The following XIRP2 variants were observed in gnomAD, a reference collection of about 807,000 sequenced individuals.
XIRP2 encodes the protein xin actin-binding repeat-containing protein 2.
XIRP2 carries 236 observed loss-of-function variants against 277.0 expected under a neutral mutation model. The ratio of observed to expected loss-of-function variants is 0.85; its 90% CI spans 0.77 to 0.95. The LOEUF is 0.95. Among genes scored for constraint, XIRP2 ranks in the 40% least tolerant of loss-of-function variants. The pLI, the probability that XIRP2 is intolerant of heterozygous loss-of-function variation, is 0.00. For missense variants in XIRP2, 4,640 were observed against 4,157.5 expected (o/e 1.12, Z -3.19); for synonymous variants, 1,490 against 1,416.5 (o/e 1.05, Z -1.17).
intron 2 of XIRP2, among the ~76,000 whole-genome samples, chr2:166,945,923 A>G (rs191690257): frequency 2.6e-5 from 4 of 152,106 alleles, no homozygotes; most frequent in Admixed American, 2.6e-4. Context: ...CTGCTAAGAT[A>G]ACAGTGGGAG....
At chr2:167,036,032 A>T (rs1191450255) in intron 2 of XIRP2, among the ~76,000 whole-genome samples, 1 of 152,162 alleles carries the variant, frequency 6.6e-6, no homozygotes, top group African/African-American at 2.4e-5. Context: ...AGTTTTGGCA[A>T]CCTCTGCCTA....
At chr2:167,038,406 T>A (rs1688573072) in intron 2 of XIRP2, among the ~76,000 whole-genome samples, 1 of 151,504 alleles carries the variant, frequency 6.6e-6, no homozygotes, top group African/African-American at 2.4e-5. Context: ...CTGTATTTCA[T>A]CCTCTTTAAT....
At chr2:167,166,257 T>G (rs1370980436) in intron 3 of XIRP2, among the ~76,000 whole-genome samples, 2 of 152,224 alleles carry the variant, frequency 1.3e-5, no homozygotes, top group African/African-American at 4.8e-5. Context: ...TCCATATTTT[T>G]GGGAATTTTC....
chr2:167,166,132 C>A (rs549525221), intron 3 of XIRP2, among the ~76,000 whole-genome samples: 1 of 152,224 alleles, frequency 6.6e-6, no homozygotes, highest in African/African-American at 2.4e-5. Context: ...AATCAGTTGG[C>A]TACAAATTTT....
chr2:166,936,305 G>C (rs538751019), intron 2 of XIRP2, among the ~76,000 whole-genome samples: 2,779 of 152,206 alleles, frequency 0.018, 75 homozygotes, highest in African/African-American at 0.062. Context: ...GTAGATTCTG[G>C]ATATTAGCCC....
rs575893456 is a variant in XIRP2 at position 167,012,375 on chromosome 2, G to A, written c.408+108485G>A. ...AGATTCTACTTTCTACTATGCTCTA[G>A]TAGTATCAGAATGAATCAGACTAGA... On this transcript the variant is annotated intron_variant, in intron 2 of 10. Coordinates refer to ENST00000409195, the MANE Select transcript of XIRP2 (RefSeq NM_152381.6). Among the ~76,000 whole-genome samples the A allele has an allele frequency of 9.2e-5, 14 of 151,820 alleles. No individual in the cohort carries two copies. In the East Asian group the frequency reaches 2.1e-3, roughly 23 times the overall value.
At chr2:167,224,093 G>C (rs1694517346) in intron 5 of XIRP2, among the ~76,000 whole-genome samples, 2 of 152,142 alleles carry the variant, frequency 1.3e-5, no homozygotes, top group Non-Finnish European at 2.9e-5. Flanking sequence ...CAGAAAGTGA[G>C]AGGGTCTGAA....
At chr2:167,122,147 A>C (rs1450290967) in intron 2 of XIRP2, among the ~76,000 whole-genome samples, 1 of 152,184 alleles carries the variant, frequency 6.6e-6, no homozygotes, top group African/African-American at 2.4e-5. Flanking sequence ...CAATCCCTGA[A>C]TCAGCTCTTC....
chr2:167,005,887 T>G (rs1205161620), intron 2 of XIRP2, among the ~76,000 whole-genome samples: 1 of 151,782 alleles, frequency 6.6e-6, no homozygotes. Flanking sequence ...CTGACCAACC[T>G]TCTGGATCAG....
chr2:167,198,026 A>G lies in XIRP2; in HGVS notation c.563-12709A>G, dbSNP rs189988949. The stretch of plus-strand genomic sequence containing the variant: ...CCATGTATGGTACATTTATAGCATT[A>G]GGTTTTGAATCTGAGAGAAAAGAAA... On this transcript the variant is annotated intron_variant, in intron 3 of 10. Transcript: ENST00000409195. Among the ~76,000 whole-genome samples the G allele has an allele frequency of 7.0e-3, 1,067 of 152,352 alleles. 16 individuals are homozygous for G. The highest frequency in any genetic ancestry group is 0.024 in the African/African-American group (1,005 of 41,594).
chr2:166,958,283 G>T (rs772676572), intron 2 of XIRP2, among the ~76,000 whole-genome samples: 1 of 151,882 alleles, frequency 6.6e-6, no homozygotes, highest in Admixed American at 6.6e-5. Flanking sequence ...TATTTATGCA[G>T]CAGTGTTTCA....
intron 2 of XIRP2, among the ~76,000 whole-genome samples, chr2:166,979,515 T>C (rs1002592302): frequency 6.9e-6 from 1 of 145,738 alleles, no homozygotes; most frequent in African/African-American, 2.5e-5. Flanking sequence ...AAGAGTAGGG[T>C]TTTTTTTTTA....
intron 3 of XIRP2, among the ~76,000 whole-genome samples, chr2:167,190,264 C>T (rs1185347629): frequency 1.3e-5 from 2 of 152,070 alleles, no homozygotes; most frequent in Non-Finnish European, 2.9e-5. Context: ...TGATTGAACT[C>T]AATCTCCACC....
chr2:167,212,546 A>G (rs548248947), intron 4 of XIRP2, among the ~76,000 whole-genome samples: 2 of 152,258 alleles, frequency 1.3e-5, no homozygotes, highest in East Asian at 2.0e-4. Flanking sequence ...AAATGTCTAC[A>G]TATAAAGAAT....
chr2:166,944,667 T>C (rs1344895323), intron 2 of XIRP2, among the ~76,000 whole-genome samples: 1 of 152,170 alleles, frequency 6.6e-6, no homozygotes. Flanking sequence ...AACATTTAGG[T>C]ACATAATTCA....
Position 167,245,356 on chromosome 2 carries a change from T to C in XIRP2, c.3964T>C (p.Tyr1322His). 1 of 1,613,770 alleles carries C rather than the reference T, an allele frequency of 6.2e-7. No homozygotes were observed. The change falls in exon 9 of 11, where the codon TAT (tyrosine) becomes CAT (histidine). Residue 1322 changes from tyrosine (Y) to histidine (H), a missense_variant. Physicochemically the swap from Tyr to His is moderately conservative, Grantham distance 83 (BLOSUM62 2). Transcript: ENST00000409195. ...AATGCTCTTTGAAACCCAGCCACTC[T>C]ATGCAATTCAAGACCGAGAAGGGTC... is the stretch of plus-strand genomic sequence containing the variant. ...YRMLFETQPL[Y>H]AIQDREGSYH... is the part of the protein sequence containing the mutation.
At chr2:167,020,992 T>C (rs1687966269) in intron 2 of XIRP2, among the ~76,000 whole-genome samples, 1 of 152,116 alleles carries the variant, frequency 6.6e-6, no homozygotes, top group African/African-American at 2.4e-5. Context: ...GGCAGGGGTG[T>C]TCCACATAAA....
chr2:166,943,889 T>C (rs1344614845), intron 2 of XIRP2, among the ~76,000 whole-genome samples: 2 of 152,214 alleles, frequency 1.3e-5, no homozygotes, highest in Non-Finnish European at 1.5e-5. Flanking sequence ...TGTTCCATAG[T>C]GGGTTTGATT....
intron 1 of XIRP2, among the ~76,000 whole-genome samples, chr2:166,888,806 C>A (rs1381305701): frequency 6.6e-6 from 1 of 152,136 alleles, no homozygotes; most frequent in Non-Finnish European, 1.5e-5. Flanking sequence ...TAATCTGGGG[C>A]AGCAATGTGC....
Sources: allele counts gnomAD v4.1 joint callset (sites outside exome capture counted in the v4.1 genomes callset), GRCh38; gene constraint gnomAD v4.1.1; transcripts MANE v1.5; gene names NCBI Gene and HGNC (gene_info 2026-07-23, HGNC 2026-07-21).